Variants in ASPH observed in about 807,000 individuals in gnomAD.
The protein encoded by ASPH is aspartate beta-hydroxylase.
ASPH carries 100 observed loss-of-function variants against 118.4 expected under a neutral mutation model. The observed-to-expected ratio is 0.84, with a 90% CI of 0.72 to 1.00. ASPH has a LOEUF of 1.00. Among genes scored for constraint, ASPH ranks in the 50% least tolerant of loss-of-function variants. The pLI is 0.00. For missense variants in ASPH, 920 were observed against 919.5 expected (o/e 1.00, Z -0.01); for synonymous variants, 315 against 325.6 (o/e 0.97, Z 0.35).
At chr8:61,676,120 C>G (rs1825193160) in intron 3 of ASPH, 1 of 1,599,302 alleles carries the variant, frequency 6.3e-7, no homozygotes, top group Non-Finnish European at 8.5e-7. Context: ...TTCCCTGAAC[C>G]CCTTCATTCT....
chr8:61,577,362 C>CAA (rs11406205), intron 15 of ASPH, among the ~76,000 whole-genome samples: 1,153 of 57,424 alleles, frequency 0.02, 23 homozygotes, highest in African/African-American at 0.045. Context: ...AATAAAATGA[C>CAA]AAAAAAAAAA....
At chr8:61,669,889 T>G (rs866392219) in intron 3 of ASPH, among the ~76,000 whole-genome samples, 1 of 152,172 alleles carries the variant, frequency 6.6e-6, no homozygotes, top group East Asian at 1.9e-4. Context: ...AATATTAGAT[T>G]AGCATCAGAT....
At chr8:61,579,431 T>C (rs1267697665) in intron 15 of ASPH, 11 of 1,611,640 alleles carry the variant, frequency 6.8e-6, no homozygotes, top group Admixed American at 3.3e-5. Context: ...GGCTGAAGTC[T>C]GGGATGCAGA....
At chr8:61,620,763 C>T (rs1850631114) in intron 13 of ASPH, among the ~76,000 whole-genome samples, 1 of 152,216 alleles carries the variant, frequency 6.6e-6, no homozygotes, top group Non-Finnish European at 1.5e-5. Context: ...CCACATCCCC[C>T]AGTCATTGCA....
At chr8:61,584,087 G>T in intron 14 of ASPH, 58 bp from the exon 15 acceptor site, 1 of 1,121,678 alleles carries the variant, frequency 8.9e-7, no homozygotes, top group Non-Finnish European at 1.3e-6. Flanking sequence ...TAGTTATTAA[G>T]CATAACAATT....
rs879804974 is a variant in ASPH, at chr8:61,714,472, C to A, written c.-101G>T. The stretch of plus-strand genomic sequence containing the variant: ...CGCTGGCGGCGGCGGGCCGCTGGAG[C>A]GGGTTCGGGCCGCTGCTCCTGCAGC... On this transcript the variant is annotated 5_prime_UTR_variant, in exon 1 of 25. Coordinates refer to ENST00000379454, the MANE Select transcript of ASPH (RefSeq NM_004318.4). 4.2e-4 allele frequency: 563 copies of A among 1,352,020 alleles called. No individual in the cohort carries two copies. The highest frequency in any genetic ancestry group is 5.1e-4 in the Non-Finnish European group (536 of 1,051,748). The allele number at this position is 1,352,020 out of a possible 1,614,324, so 83.8% of individuals were successfully genotyped here.
In ASPH at chr8:61,706,455, A is replaced by G. The variant is rs185500588; in HGVS notation, c.103+7814T>C. Among the ~76,000 whole-genome samples, 984 of 142,172 alleles carry G rather than the reference A, an allele frequency of 6.9e-3. 9 individuals are homozygous for G. The highest frequency in any genetic ancestry group is 0.037 in the Middle Eastern group (10 of 270). The allele number at this position is 142,172 out of a possible 152,430, so 93.3% of individuals were successfully genotyped here. ...GAAGAAGAAGAAGAAGAAGAAGAAG[A>G]AGGAGGAAGAGGAAGAAGAAGAAGA... On this transcript the variant is annotated intron_variant, in intron 1 of 24. Coordinates refer to ENST00000379454, the MANE Select transcript of ASPH (RefSeq NM_004318.4).
intron 18 of ASPH, among the ~76,000 whole-genome samples, chr8:61,557,716 G>A (rs1031516049): frequency 3.3e-5 from 5 of 152,240 alleles, no homozygotes; most frequent in East Asian, 1.9e-4. Context: ...TCAGGTGCCC[G>A]AGAAACCTGT....
chr8:61,660,655 T>C (rs550027502), intron 3 of ASPH: 7 of 152,342 alleles, frequency 4.6e-5, no homozygotes, highest in Admixed American at 4.6e-4. Flanking sequence ...TTTACAATTA[T>C]GTGAGCCAAT....
intron 14 of ASPH, among the ~76,000 whole-genome samples, chr8:61,593,878 T>G (rs1017383297): frequency 1.3e-5 from 2 of 152,222 alleles, no homozygotes; most frequent in Admixed American, 1.3e-4. Context: ...AATAGCCACC[T>G]TCCTCAAATG....
chr8:61,521,022 T>C (rs1341365318), intron 22 of ASPH, among the ~76,000 whole-genome samples: 1 of 152,212 alleles, frequency 6.6e-6, no homozygotes, highest in Non-Finnish European at 1.5e-5. Flanking sequence ...CTGGTCATTT[T>C]AACTCTTCAC....
intron 22 of ASPH, among the ~76,000 whole-genome samples, chr8:61,523,310 TTC>T (rs1586498495): frequency 6.9e-6 from 1 of 144,246 alleles, no homozygotes; most frequent in East Asian, 2.0e-4. Flanking sequence ...ATTATTTTCT[TTC>T]TTTCTTTCTT....
chr8:61,668,082 T>C (rs1820595344), intron 3 of ASPH: 3 of 640,402 alleles, frequency 4.7e-6, no homozygotes, highest in African/African-American at 1.9e-5. Context: ...GAAATCTTGA[T>C]AAAACTACTT....
intron 21 of ASPH, among the ~76,000 whole-genome samples, chr8:61,536,695 T>C (rs765568185): frequency 2.0e-5 from 3 of 152,204 alleles, no homozygotes; most frequent in Non-Finnish European, 4.4e-5. Flanking sequence ...TATTTGGGGC[T>C]ATTCTGATTG....
intron 14 of ASPH, among the ~76,000 whole-genome samples, chr8:61,608,005 T>C (rs1312822060): frequency 6.6e-6 from 1 of 152,068 alleles, no homozygotes; most frequent in Non-Finnish European, 1.5e-5. Context: ...AGTGGTCAAG[T>C]GGGTCTCTCC....
At chr8:61,634,696 T>G (rs889704373) in intron 12 of ASPH, among the ~76,000 whole-genome samples, 2 of 150,510 alleles carry the variant, frequency 1.3e-5, no homozygotes, top group Admixed American at 6.6e-5. Flanking sequence ...TAGGTTTGCC[T>G]GTTTATTTTG....
chr8:61,560,908 G>GT (rs1669374710), intron 18 of ASPH, among the ~76,000 whole-genome samples: 1 of 151,744 alleles, frequency 6.6e-6, no homozygotes, highest in Admixed American at 6.6e-5. Flanking sequence ...ACTTCAGAAT[G>GT]TTTTTTAGAT....
chr8:61,574,399 A>G (rs11992757), intron 16 of ASPH, among the ~76,000 whole-genome samples: 14,475 of 152,264 alleles, frequency 0.095, 983 homozygotes, highest in East Asian at 0.28. Flanking sequence ...ACATGCACAC[A>G]TCTGTTTATT....
chr8:61,667,528 A>C (rs1459004937), intron 3 of ASPH, among the ~76,000 whole-genome samples: 1 of 152,090 alleles, frequency 6.6e-6, no homozygotes, highest in African/African-American at 2.4e-5. Flanking sequence ...CACCAAGTCC[A>C]GCCAATTTTT....
Sources: gnomAD v4.1 joint callset for allele counts (sites outside exome capture counted in the v4.1 genomes callset) on GRCh38, gnomAD v4.1.1 for gene constraint, MANE v1.5 for transcripts, NCBI Gene and HGNC (gene_info 2026-07-23, HGNC 2026-07-21) for gene names.